Variants in TENT4A observed in about 807,000 individuals in gnomAD.
The protein encoded by TENT4A is DNA polymerase kappa.
TENT4A carries 7 observed loss-of-function variants against 72.8 expected under a neutral mutation model. The ratio of observed to expected loss-of-function variants is 0.10; its 90% CI spans 0.05 to 0.18. TENT4A has a LOEUF of 0.18. Among genes scored for constraint, TENT4A ranks in the 10% least tolerant of loss-of-function variants. TENT4A has a pLI of 1.00. For missense variants in TENT4A, 831 were observed against 1,017.7 expected, an observed-to-expected ratio of 0.82 and a Z score of 2.50; for synonymous variants, 456 against 434.3, an observed-to-expected ratio of 1.05 and a Z score of -0.62.
intron 11 of TENT4A, among the ~76,000 whole-genome samples, chr5:6,751,939 G>C (rs747684303): frequency 6.6e-6 from 1 of 152,156 alleles, no homozygotes; most frequent in South Asian, 2.1e-4. Flanking sequence ...TGATTCTGGC[G>C]GAGCTTCTGG....
chr5:6,721,583 G>A lies in TENT4A; in HGVS notation c.716+6884G>A, dbSNP rs1394201440. On this transcript the variant is annotated intron_variant, in intron 1 of 12. Transcript: ENST00000230859. ...CCACTAGAGAGTGCCCTATGAGCCT[G>A]TCCCTGGTGTCCTGGACTCTGGTGG... Among the ~76,000 whole-genome samples, 3 of 152,230 alleles carry A rather than the reference G, an allele frequency of 2.0e-5. No individual in the cohort carries two copies. The South Asian group carries it at 6.2e-4, about 31-fold the overall frequency.
At chr5:6,715,824 G>C (rs1740353554) in intron 1 of TENT4A, among the ~76,000 whole-genome samples, 1 of 152,196 alleles carries the variant, frequency 6.6e-6, no homozygotes, top group East Asian at 1.9e-4. Flanking sequence ...TGGGCTACAA[G>C]CGATACCTTC....
At position 6,739,865 on chromosome 5, in the gene TENT4A, C is replaced by T; in HGVS notation, c.1008+13C>T. The T allele has an allele frequency of 6.2e-7, 1 of 1,611,144 alleles. No homozygotes were observed. The highest frequency in any genetic ancestry group is 8.5e-7 in the Non-Finnish European group (1 of 1,177,428). ...TGACAAGGCTACGGTGAGTGCCTGG[C>T]TTTGGCCCCTCTGACCGGGCAGGAG... On this transcript the variant is annotated intron_variant, in intron 4 of 12. Transcript: ENST00000230859.
At chr5:6,744,957 CAG>C (rs1306036368) in intron 6 of TENT4A, among the ~76,000 whole-genome samples, 1 of 152,236 alleles carries the variant, frequency 6.6e-6, no homozygotes, top group African/African-American at 2.4e-5. Flanking sequence ...TCCACCCCCT[CAG>C]GGGGTCCTTT....
At chr5:6,749,461 TG>T in intron 8 of TENT4A, 95 bp from the exon 9 acceptor site, 1 of 709,956 alleles carries the variant, frequency 1.4e-6, no homozygotes, top group South Asian at 1.7e-5. Context: ...CCTAGCGAGA[TG>T]ATCTGTTAGG....
chr5:6,750,272 G>C lies in TENT4A; in HGVS notation c.1688-59G>C. On this transcript the variant is annotated intron_variant, in intron 9 of 12. Transcript: ENST00000230859. ...AGCAGAGCCCGTGACTGATGCTGCC[G>C]GGGCGGCTCCACGCCGCAGTTCTCA... 3.5e-6 allele frequency: 5 copies of C among 1,436,084 alleles called. No homozygotes were observed. The South Asian group carries it at 6.8e-5, about 20-fold the overall frequency. The allele number at this position is 1,436,084 out of a possible 1,614,324, so 89.0% of individuals were successfully genotyped here. A position where few individuals can be genotyped will look rare whatever the true frequency, so the allele number is the denominator to read the frequency against.
intron 10 of TENT4A, 111 bp downstream of exon 10, chr5:6,750,614 C>T: frequency 9.3e-7 from 1 of 1,071,144 alleles, no homozygotes; most frequent in Non-Finnish European, 1.3e-6. Context: ...GTTTTGTTTC[C>T]TTGTATGTGT....
Position 6,713,788 on chromosome 5 carries a change from C to T in TENT4A, c.-196C>T. 1 of 147,668 alleles carries T rather than the reference C, an allele frequency of 6.8e-6. No individual in the cohort carries two copies. The highest frequency in any genetic ancestry group is 1.8e-4 in the South Asian group (1 of 5,620). The allele number at this position is 147,668 out of a possible 1,614,324, so 9.1% of individuals were successfully genotyped here. ...GGGCCCATCACCGCCGCCGCCGCCC[C>T]ACGCCGGAGCCCGACGGGAGCGCGG... On this transcript the variant is annotated 5_prime_UTR_variant, in exon 1 of 13. Transcript: ENST00000230859.
chr5:6,741,171 T>C (rs1741785182), intron 4 of TENT4A, among the ~76,000 whole-genome samples: 1 of 152,216 alleles, frequency 6.6e-6, no homozygotes, highest in Admixed American at 6.5e-5. Flanking sequence ...GCATATTGGC[T>C]ACTAAGTATC....
chr5:6,753,502 C>T (rs1181883219), intron 12 of TENT4A, among the ~76,000 whole-genome samples: 1 of 152,236 alleles, frequency 6.6e-6, no homozygotes, highest in Non-Finnish European at 1.5e-5. Flanking sequence ...TGTGCTGGGC[C>T]TCAGCAGGGC....
chr5:6,748,163 A>G (rs1453945039), intron 7 of TENT4A, among the ~76,000 whole-genome samples: 1 of 151,988 alleles, frequency 6.6e-6, no homozygotes, highest in Non-Finnish European at 1.5e-5. Flanking sequence ...GTGGGCTGTC[A>G]CTCCGTCTGT....
intron 4 of TENT4A, among the ~76,000 whole-genome samples, chr5:6,740,962 A>C (rs561152037): frequency 2.6e-5 from 4 of 152,340 alleles, no homozygotes; most frequent in African/African-American, 9.6e-5. Flanking sequence ...CATTAGCCCA[A>C]GGTGGGTCAG....
intron 1 of TENT4A, among the ~76,000 whole-genome samples, chr5:6,736,887 T>C (rs567088682): frequency 7.7e-4 from 117 of 152,388 alleles, no homozygotes; most frequent in Non-Finnish European, 1.4e-3. Context: ...GAGTATTGAA[T>C]TCGATCAGCT....
chr5:6,714,406 G>T lies in TENT4A; in HGVS notation c.423G>T (p.Pro141=). Reference sequence around the variant, plus strand: ...CCAGCAGCGCCTCGCTGGGCCGGCCGGGCGGCGGCCGCGGCGGCGCCTTCT... The same window carrying T: ...CCAGCAGCGCCTCGCTGGGCCGGCCTGGCGGCGGCCGCGGCGGCGCCTTCT... The part of the protein sequence containing the change: ...SSSSSASLGR[P]GGGRGGAFFN... Residue 141 remains proline (P), a synonymous_variant, in exon 1 of 13, where the codon CCG becomes CCT. Coordinates refer to ENST00000230859, the MANE Select transcript of TENT4A (RefSeq NM_006999.6). 1.8e-5 allele frequency: 21 copies of T among 1,141,492 alleles called. No individual in the cohort carries two copies. The highest frequency in any genetic ancestry group is 2.0e-5 in the Non-Finnish European group (19 of 930,972). 70.7% of individuals were successfully genotyped at this position (1,141,492 alleles called of 1,614,324 possible). A position where few individuals can be genotyped will look rare whatever the true frequency, so the allele number is the denominator to read the frequency against.
intron 1 of TENT4A, among the ~76,000 whole-genome samples, chr5:6,729,988 T>C (rs916302598): frequency 6.6e-6 from 1 of 152,116 alleles, no homozygotes; most frequent in African/African-American, 2.4e-5. Flanking sequence ...CAATGCAGAT[T>C]CCCAAGTTAA....
rs749130040 is a variant in TENT4A at position 6,737,577 on chromosome 5, A to T, written c.784A>T (p.Arg262Ter). The change falls in exon 2 of 13, where the codon AGA becomes TGA. Residue 262 changes from arginine to a stop codon, truncating the protein, a stop_gained. Coordinates refer to ENST00000230859, the MANE Select transcript of TENT4A (RefSeq NM_006999.6). LOFTEE classifies it high-confidence loss of function. ...SPCPEEAAMRREVVKRIETVV... is the reference protein window; with the variant it reads ...SPCPEEAAMR Reference sequence around the variant, plus strand: ...TTGTCCTGAAGAAGCAGCTATGAGAAGAGAGGTGGTGAAACGGATCGAAAC... The same window carrying T: ...TTGTCCTGAAGAAGCAGCTATGAGATGAGAGGTGGTGAAACGGATCGAAAC... 6.2e-7 allele frequency: 1 copy of T among 1,614,186 alleles called. No individual in the cohort carries two copies. The highest frequency in any genetic ancestry group is 8.5e-7 in the Non-Finnish European group (1 of 1,179,996).
intron 1 of TENT4A, among the ~76,000 whole-genome samples, chr5:6,722,547 G>GTTTTTTTTTTTTTTTTTTTTTTTATT: frequency 8.1e-6 from 1 of 123,266 alleles, no homozygotes; most frequent in Non-Finnish European, 1.6e-5. Context: ...GCATTTGTTA[G>GTTTTTTTTTTTTTTTTTTTTTTTATT]TTTTTTTTTT....
At chr5:6,719,514 G>A (rs144863145) in intron 1 of TENT4A, among the ~76,000 whole-genome samples, 158 of 152,266 alleles carry the variant, frequency 1.0e-3, no homozygotes, top group African/African-American at 3.5e-3. Flanking sequence ...CCATGAAGAG[G>A]CCCTTTCTAG....
chr5:6,748,431 T>A (rs535454106), intron 7 of TENT4A, 33 bp from the exon 8 acceptor site: 1 of 1,611,178 alleles, frequency 6.2e-7, no homozygotes, highest in Admixed American at 1.7e-5. Context: ...GGTGTGCATG[T>A]GGGGAGGGTC....
Sources: allele counts gnomAD v4.1 joint callset (sites outside exome capture counted in the v4.1 genomes callset), GRCh38; gene constraint gnomAD v4.1.1; transcripts MANE v1.5; gene names NCBI Gene and HGNC (gene_info 2026-07-23, HGNC 2026-07-21).